NBPF12: variants seen among roughly 807,000 people sequenced by gnomAD.
The protein encoded by NBPF12 is NBPF family member NBPF12.
In NBPF12, 115 loss-of-function variants were observed where a neutral mutation model predicts 146.4. The observed-to-expected ratio is 0.79, with a 90% CI of 0.68 to 0.92. The LOEUF is 0.92. Among genes scored for constraint, NBPF12 ranks in the 40% least tolerant of loss-of-function variants. The pLI, the probability that NBPF12 is intolerant of heterozygous loss-of-function variation, is 0.00. For synonymous variants in NBPF12, 385 were observed against 508.9 expected, an observed-to-expected ratio of 0.76 and a Z score of 3.28; for missense variants, 1,205 against 1,326.8, an observed-to-expected ratio of 0.91 and a Z score of 1.43.
rs1308048936 is a variant in NBPF12, at chr1:146,974,360, T to C, written c.1802-379T>C. On this transcript the variant is annotated intron_variant, in intron 14 of 33. Transcript: ENST00000617844. ...ATCAGTCCCATAGTTCTAGGAGCCTTCCTGACTGTACAAGAAATCACTACT... is the reference window on the plus strand; with the variant it reads ...ATCAGTCCCATAGTTCTAGGAGCCTCCCTGACTGTACAAGAAATCACTACT... Among the ~76,000 whole-genome samples, 3 of 140,850 alleles carry C rather than the reference T, an allele frequency of 2.1e-5. 1 individual carries two copies. The highest frequency in any genetic ancestry group is 4.6e-5 in the Non-Finnish European group (3 of 65,784). 92.4% of individuals were successfully genotyped at this position (140,850 alleles called of 152,430 possible).
chr1:146,947,056 A>C (rs1655109165), upstream of NBPF12, among the ~76,000 whole-genome samples: 1 of 151,884 alleles, frequency 6.6e-6, no homozygotes, highest in African/African-American at 2.4e-5. Flanking sequence ...TCTTTTCACC[A>C]ACTTCACACT....
chr1:146,989,251 C>G (rs1657989692), intron 27 of NBPF12, among the ~76,000 whole-genome samples: 1 of 142,130 alleles, frequency 7.0e-6, no homozygotes, highest in African/African-American at 2.6e-5. Flanking sequence ...TCACAGTTTG[C>G]TGTGTGTCAT....
exon 8 of NBPF12, chr1:146,964,996 C>T: frequency 6.2e-7 from 1 of 1,608,056 alleles, no homozygotes; most frequent in Non-Finnish European, 8.5e-7. Context: ...CATCCAGCCT[C>T]ACAAGAACAT....
exon 6 of NBPF12, chr1:146,963,221 G>A (rs1655973620): frequency 1.9e-6 from 3 of 1,610,252 alleles, no homozygotes; most frequent in African/African-American, 2.7e-5. Flanking sequence ...CTCCGGATGA[G>A]CCGGACAAGT....
intron 7 of NBPF12, among the ~76,000 whole-genome samples, 172 bp downstream of exon 10, chr1:146,964,601 G>A (rs1656072732): frequency 6.6e-6 from 1 of 151,978 alleles, no homozygotes; most frequent in Non-Finnish European, 1.5e-5. Flanking sequence ...GTTTCTCTAT[G>A]TGTGCCAAGT....
rs1656230916 is a variant in NBPF12, at chr1:146,966,634, C to T, written c.949C>T (p.Gln317Ter). ...CCTCAAAGAGAAATGTTTTGTAACT[C>T]AACTGGCCGGCTTCCTGGCCAAGCA... Residue 317 changes from glutamine to a stop codon, truncating the protein, a stop_gained, in exon 9 of 34, where the codon CAA becomes TAA. Transcript: ENST00000617844. LOFTEE classifies it high-confidence loss of function. 1 of 1,510,334 alleles carries T rather than the reference C, an allele frequency of 6.6e-7. No individual in the cohort carries two copies. Among genetic ancestry groups the T allele is most frequent in the Non-Finnish European group, 9.2e-7 (1 of 1,088,338 alleles). 93.6% of individuals were successfully genotyped at this position (1,510,334 alleles called of 1,614,324 possible). A position where few individuals can be genotyped will look rare whatever the true frequency, so the allele number is the denominator to read the frequency against.
intron 8 of NBPF12, 35 bp downstream of exon 11, chr1:146,965,139 T>C (rs1429001768): frequency 1.7e-6 from 2 of 1,167,208 alleles, no homozygotes; most frequent in Non-Finnish European, 2.6e-6. Context: ...CATACCTCTG[T>C]CTAGGCTATG....
chr1:146,972,774 A>G (rs1656739736), exon 14 of NBPF12: 2 of 1,235,586 alleles, frequency 1.6e-6, no homozygotes, highest in Admixed American at 1.7e-5. Context: ...CTCTTCTGCC[A>G]CAAACGTCAG....
intron 12 of NBPF12, 25 bp downstream of exon 15, chr1:146,970,744 G>C (rs1553886276): frequency 7.6e-7 from 1 of 1,309,634 alleles, no homozygotes; most frequent in African/African-American, 1.5e-5. Context: ...TCAGGAGCAA[G>C]TAATGGGTGT....
exon 6 of NBPF12, chr1:146,963,239 G>A (rs1655974100): frequency 2.7e-5 from 44 of 1,611,836 alleles, no homozygotes; most frequent in Non-Finnish European, 3.6e-5. Flanking sequence ...AGTCCCAGGG[G>A]CAGGACCTCC....
At chr1:146,964,518 A>C in intron 7 of NBPF12, 89 bp downstream of exon 10, 1 of 1,579,712 alleles carries the variant, frequency 6.3e-7, no homozygotes, top group Admixed American at 1.7e-5. Flanking sequence ...ATGGTGGGCC[A>C]AAAGCCCGCA....
chr1:146,952,796 A>G (rs1487645553), intron 2 of NBPF12, among the ~76,000 whole-genome samples: 6 of 150,484 alleles, frequency 4.0e-5, no homozygotes, highest in Non-Finnish European at 5.9e-5. Flanking sequence ...GGAGCCTGGA[A>G]GTGAGAGGAA....
rs1477010627 is a variant in NBPF12 at position 146,939,025 on chromosome 1, C to T, written c.-822+43C>T. ...GGCCGGGCGGCAGGTGAGTCTGGGA[C>T]CTGCGGGCGCACAGCTGGGCTGAGG... On this transcript the variant is annotated intron_variant, in intron 1 of 35. Transcript: ENST00000617931. The T allele has an allele frequency of 6.6e-6, 1 of 152,300 alleles. No individual in the cohort carries two copies. The highest frequency in any genetic ancestry group is 6.5e-5 in the Admixed American group (1 of 15,292). 9.4% of individuals were successfully genotyped at this position (152,300 alleles called of 1,614,324 possible).
At position 146,960,229 on chromosome 1, in the gene NBPF12, CA is replaced by C. The variant is rs1332784173; in HGVS notation, c.87del (p.Glu30ArgfsTer15). ...AACGAGAAATTGCGCCCCCAGTTGGCAGAGAACAAACAGCAGTTCAGAAACC... is the reference window on the plus strand; with the variant it reads ...AACGAGAAATTGCGCCCCCAGTTGGCGAGAACAAACAGCAGTTCAGAAACC... On this transcript the variant is annotated frameshift_variant, in exon 4 of 34. Coordinates refer to ENST00000617844, the Ensembl canonical transcript of NBPF12. LOFTEE classifies it high-confidence loss of function. 8.0e-7 allele frequency: 1 copy of C among 1,253,852 alleles called. No individual in the cohort carries two copies. The highest frequency in any genetic ancestry group is 1.1e-6 in the Non-Finnish European group (1 of 873,538). 77.7% of individuals were successfully genotyped at this position (1,253,852 alleles called of 1,614,324 possible).
intron 1 of NBPF12, among the ~76,000 whole-genome samples, chr1:146,939,580 A>G: frequency 6.6e-6 from 1 of 151,968 alleles, no homozygotes. Context: ...TTTGCAGTCC[A>G]AAGAGTTGCT....
intron 25 of NBPF12, among the ~76,000 whole-genome samples, 199 bp from the exon 29 acceptor site, chr1:146,987,755 G>GTGTGTGTC (rs1657879866): frequency 3.3e-5 from 5 of 151,750 alleles, no homozygotes; most frequent in African/African-American, 1.2e-4. Flanking sequence ...GTGTGTGTGT[G>GTGTGTGTC]TGTGTCTGTC....
chr1:146,948,019 C>CT (rs1655147874), upstream of NBPF12, among the ~76,000 whole-genome samples: 1 of 148,962 alleles, frequency 6.7e-6, no homozygotes, highest in African/African-American at 2.5e-5. Context: ...TATTTTATCT[C>CT]TTTTTTTGGA....
At chr1:146,966,240 C>A (rs1198376989) in intron 8 of NBPF12, among the ~76,000 whole-genome samples, 1 of 151,870 alleles carries the variant, frequency 6.6e-6, no homozygotes, top group African/African-American at 2.4e-5. Context: ...AACGTATAAG[C>A]AAGAAAAGTG....
exon 34 of NBPF12, chr1:146,995,583 G>A (rs1435487892): frequency 6.6e-6 from 1 of 151,636 alleles, no homozygotes; most frequent in Non-Finnish European, 1.5e-5. Context: ...TAGAGGACAG[G>A]TCAGCTCTCT....
Sources: gnomAD v4.1 joint callset for allele counts (sites outside exome capture counted in the v4.1 genomes callset) on GRCh38, gnomAD v4.1.1 for gene constraint, MANE v1.5 for transcripts, NCBI Gene and HGNC (gene_info 2026-07-23, HGNC 2026-07-21) for gene names.